The following MAPKBP1 variants were observed in gnomAD, a reference collection of about 807,000 sequenced individuals.
The protein encoded by MAPKBP1 is mitogen-activated protein kinase binding protein 1, also known as mitogen-activated protein kinase-binding protein 1.
A neutral mutation model predicts 170.5 loss-of-function variants in MAPKBP1; 71 were observed. The observed-to-expected ratio is 0.42, with a 90% CI of 0.34 to 0.51. The LOEUF (loss-of-function observed/expected upper bound fraction) is 0.51, where lower values mean the gene tolerates loss of function less well. Among genes scored for constraint, MAPKBP1 ranks in the 20% least tolerant of loss-of-function variants. MAPKBP1 has a pLI of 0.06. For missense variants in MAPKBP1, 1,598 were observed against 1,933.0 expected (o/e 0.83, Z 3.25); for synonymous variants, 719 against 757.9 (o/e 0.95, Z 0.84).
intron 2 of MAPKBP1, among the ~76,000 whole-genome samples, chr15:41,783,063 G>A (rs1333114094): frequency 1.3e-5 from 2 of 152,166 alleles, no homozygotes; most frequent in Non-Finnish European, 2.9e-5. Flanking sequence ...GGTTCCAGAT[G>A]ACCAGAAGCC....
chr15:41,825,818 G>C lies in MAPKBP1; in HGVS notation c.*382G>C, dbSNP rs555428200. ...GCTCCCTGTGGTGGAGCATACACAG[G>C]GTACTCTGGGGTCGAGGTGAGAGGT... is the stretch of plus-strand genomic sequence containing the variant. On this transcript the variant is annotated 3_prime_UTR_variant, in exon 31 of 31. Transcript: ENST00000457542. 5.3e-5 allele frequency: 9 copies of C among 168,930 alleles called. No individual in the cohort carries two copies. Among genetic ancestry groups the C allele is most frequent in the South Asian group, 3.6e-4 (2 of 5,614 alleles). 10.5% of individuals were successfully genotyped at this position (168,930 alleles called of 1,614,324 possible).
intron 2 of MAPKBP1, among the ~76,000 whole-genome samples, chr15:41,798,143 A>G (rs1011938036): frequency 1.3e-5 from 2 of 148,228 alleles, no homozygotes; most frequent in Non-Finnish European, 3.0e-5. Context: ...CCAGCTACTC[A>G]GGAGGCTGAG....
At chr15:41,779,292 A>T (rs12917042) in intron 2 of MAPKBP1, among the ~76,000 whole-genome samples, 1 of 151,734 alleles carries the variant, frequency 6.6e-6, no homozygotes, top group East Asian at 1.9e-4. Flanking sequence ...CTCACTGCAA[A>T]CTCTGCCTCC....
At chr15:41,790,283 A>G (rs981528197) in intron 2 of MAPKBP1, among the ~76,000 whole-genome samples, 1 of 152,184 alleles carries the variant, frequency 6.6e-6, no homozygotes, top group Non-Finnish European at 1.5e-5. Context: ...GTAGTTCCCA[A>G]TCTGGTAATC....
chr15:41,827,433 C>G lies in MAPKBP1; in HGVS notation c.*1997C>G, dbSNP rs1278751355. ...CACCCGCATGGCCCTGGAACTCCCGCGGCGGCGGGGGCGGGCCCGTGCCTG... is the reference window on the plus strand; with the variant it reads ...CACCCGCATGGCCCTGGAACTCCCGGGGCGGCGGGGGCGGGCCCGTGCCTG... On this transcript the variant is annotated 3_prime_UTR_variant, in exon 31 of 31. Coordinates refer to ENST00000457542, the MANE Select transcript of MAPKBP1 (RefSeq NM_014994.3). The G allele has an allele frequency of 6.6e-6, 1 of 152,514 alleles. No homozygotes were observed. Among genetic ancestry groups the G allele is most frequent in the African/African-American group, 2.4e-5 (1 of 41,474 alleles). 9.4% of individuals were successfully genotyped at this position (152,514 alleles called of 1,614,324 possible). A position where few individuals can be genotyped will look rare whatever the true frequency, so the allele number is the denominator to read the frequency against.
Position 41,821,055 on chromosome 15 carries a change from C to T in MAPKBP1, c.2705C>T (p.Ser902Leu), listed in dbSNP as rs1746669201. 1 of 1,613,986 alleles carries T rather than the reference C, an allele frequency of 6.2e-7. No homozygotes were observed. Among genetic ancestry groups the T allele is most frequent in the Non-Finnish European group, 8.5e-7 (1 of 1,179,956 alleles). ...CATGGGCAGGAGGCCCTTGAGACTT[C>T]ACTCACTAGCCAGGTGAGCCTGCTT... The part of the protein sequence containing the change: ...RKHGQEALET[S>L]LTSQNEKPPR... Residue 902 changes from serine (S) to leucine (L), a missense_variant, in exon 23 of 31, where the codon TCA (serine) becomes TTA (leucine). Physicochemically the swap from Ser to Leu is moderately radical, Grantham distance 145. Coordinates refer to ENST00000457542, the MANE Select transcript of MAPKBP1 (RefSeq NM_014994.3).
intron 27 of MAPKBP1, 31 bp from the exon 28 acceptor site, chr15:41,822,908 C>T: frequency 6.3e-7 from 1 of 1,578,420 alleles, no homozygotes; most frequent in South Asian, 1.2e-5. Context: ...TGAGCCTTCT[C>T]TGGGCCTTCT....
chr15:41,818,818 C>T lies in MAPKBP1; in HGVS notation c.2157-5C>T, dbSNP rs2064935979. 6.2e-7 allele frequency: 1 copy of T among 1,613,554 alleles called. No individual in the cohort carries two copies. Among genetic ancestry groups the T allele is most frequent in the Admixed American group, 1.7e-5 (1 of 59,992 alleles). On this transcript the variant is annotated splice_region_variant and splice_polypyrimidine_tract_variant and intron_variant, in intron 19 of 30. Transcript: ENST00000457542. The surrounding 1 kb of genome is among the most constrained non-coding windows in gnomAD (Gnocchi z 5.2). ...CCTTCAGCCAACTGTGTGGCTTTAC[C>T]CCAGCTGCATATTTGTGTGGCGCCT...
intron 8 of MAPKBP1, 158 bp from the exon 9 acceptor site, chr15:41,813,463 G>T: frequency 1.4e-6 from 2 of 1,431,418 alleles, no homozygotes; most frequent in Non-Finnish European, 2.0e-6. Context: ...TCCCTGGCTG[G>T]ACAGGGCTGA....
Position 41,820,895 on chromosome 15 carries a change from G to A in MAPKBP1, c.2545G>A (p.Gly849Arg). ...AGCCAACCCAGGACCCAGAAGAAGAGGGCGCTGGGTTCAGCCAGGTGTGGA... is the reference window on the plus strand; with the variant it reads ...AGCCAACCCAGGACCCAGAAGAAGAAGGCGCTGGGTTCAGCCAGGTGTGGA... ...PAANPGPRRR[G>R]RWVQPGVELS... is the part of the protein sequence containing the mutation. Residue 849 changes from glycine (G) to arginine (R), a missense_variant, in exon 23 of 31, where the codon GGG becomes AGG. This residue lies in a region of MAPKBP1 where 942 missense variants were observed against 953.2 expected (regional missense o/e 0.99). Transcript: ENST00000457542. The A allele has an allele frequency of 6.2e-7, 1 of 1,614,138 alleles. No individual in the cohort carries two copies. Among genetic ancestry groups the A allele is most frequent in the Non-Finnish European group, 8.5e-7 (1 of 1,180,010 alleles).
chr15:41,791,677 C>A (rs2064398038), intron 2 of MAPKBP1, among the ~76,000 whole-genome samples: 1 of 152,224 alleles, frequency 6.6e-6, no homozygotes, highest in Non-Finnish European at 1.5e-5. Flanking sequence ...TGGCTCTGGA[C>A]TCTGGAGAGT....
intron 2 of MAPKBP1, among the ~76,000 whole-genome samples, chr15:41,789,230 C>A (rs2064351830): frequency 6.6e-6 from 1 of 151,864 alleles, no homozygotes; most frequent in African/African-American, 2.4e-5. Context: ...ATTTTTAGCT[C>A]ATAAAGCTTT....
intron 13 of MAPKBP1, 74 bp downstream of exon 13, chr15:41,816,724 G>C (rs920051443): frequency 1.6e-5 from 24 of 1,491,058 alleles, no homozygotes; most frequent in Non-Finnish European, 2.1e-5. Flanking sequence ...CCCGGCTCTT[G>C]GACGTGGGGT....
rs1222550219 is a variant in MAPKBP1, at chr15:41,774,508, C to T, written c.-212C>T. 1.3e-5 allele frequency: 5 copies of T among 398,420 alleles called. No homozygotes were observed. Among genetic ancestry groups the T allele is most frequent in the African/African-American group, 1.0e-4 (5 of 48,642 alleles). 24.7% of individuals were successfully genotyped at this position (398,420 alleles called of 1,614,324 possible). On this transcript the variant is annotated 5_prime_UTR_variant, in exon 1 of 31. Transcript: ENST00000457542. The stretch of plus-strand genomic sequence containing the variant: ...TGAGCCGATCGTGCCACCATAGCTC[C>T]TGCTGCTGCCTCTACCGCTGCGGCT...
chr15:41,782,092 CAA>C lies in MAPKBP1; in HGVS notation c.114+6722_114+6723del, dbSNP rs58449893. Reference sequence around the variant, plus strand: ...TGAAACCCTGTCTCTACTAAAAATACAAAAAAAAAAAAAAAAAAAATTAGCTG... The same window carrying C: ...TGAAACCCTGTCTCTACTAAAAATACAAAAAAAAAAAAAAAAAATTAGCTG... On this transcript the variant is annotated intron_variant, in intron 2 of 30. Coordinates refer to ENST00000457542, the MANE Select transcript of MAPKBP1 (RefSeq NM_014994.3). Among the ~76,000 whole-genome samples the C allele has an allele frequency of 3.9e-3, 436 of 111,176 alleles. 1 individual carries two copies. Among genetic ancestry groups the C allele is most frequent in the African/African-American group, 9.5e-3 (271 of 28,538 alleles). 72.9% of individuals were successfully genotyped at this position (111,176 alleles called of 152,430 possible).
intron 5 of MAPKBP1, 185 bp downstream of exon 5, chr15:41,811,420 G>A: frequency 1.4e-6 from 1 of 719,698 alleles, no homozygotes; most frequent in Non-Finnish European, 2.5e-6. Flanking sequence ...TGGAGGGCTT[G>A]TGAAAGCACA....
At chr15:41,792,097 T>C (rs2064406452) in intron 2 of MAPKBP1, among the ~76,000 whole-genome samples, 1 of 149,196 alleles carries the variant, frequency 6.7e-6, no homozygotes, top group Non-Finnish European at 1.5e-5. Flanking sequence ...GAAACTACTG[T>C]TCTATCTAGT....
In MAPKBP1 at chr15:41,815,387, C is replaced by A. The variant is rs949888640; in HGVS notation, c.1299C>A (p.His433Gln). The A allele has an allele frequency of 1.9e-6, 3 of 1,614,124 alleles. No individual in the cohort carries two copies. The highest frequency in any genetic ancestry group is 2.5e-6 in the Non-Finnish European group (3 of 1,180,046). The change falls in exon 11 of 31, where the codon CAC (histidine) becomes CAA (glutamine). Residue 433 changes from histidine to glutamine, a missense_variant. Around this residue, in one of 6 missense-constraint regions of MAPKBP1, gnomAD observed 430 missense variants for 617.2 expected, o/e 0.70. Coordinates refer to ENST00000457542, the MANE Select transcript of MAPKBP1 (RefSeq NM_014994.3). ...ESSGVHGSTL[H>Q]RNILSSDLIK... is the part of the protein sequence containing the mutation. ...CCGGGGTGCATGGCTCCACCCTCCA[C>A]CGAAACATCCTCAGCAGTGTGAGCC...
In MAPKBP1 at chr15:41,818,598, C is replaced by T; in HGVS notation, c.2156+16C>T. The T allele has an allele frequency of 6.2e-7, 1 of 1,606,966 alleles. No individual in the cohort carries two copies. The highest frequency in any genetic ancestry group is 1.1e-5 in the South Asian group (1 of 90,206). On this transcript the variant is annotated intron_variant, in intron 19 of 30. Transcript: ENST00000457542. The surrounding 1 kb of genome is among the most constrained non-coding windows in gnomAD (Gnocchi z 5.2). ...CTGGGGACAGGTGAGCAGAAGCCAG[C>T]TTCCCTGAGAGGCAGATTCTTACTC...
Sources: allele counts gnomAD v4.1 joint callset (sites outside exome capture counted in the v4.1 genomes callset), GRCh38; gene constraint gnomAD v4.1.1; regional missense constraint gnomAD v4.1.1; non-coding constraint Gnocchi (gnomAD v3.1); transcripts MANE v1.5; gene names NCBI Gene and HGNC (gene_info 2026-07-23, HGNC 2026-07-21).